Variants in ALCAM observed in about 807,000 individuals in gnomAD.
ALCAM encodes activated leukocyte cell adhesion molecule.
ALCAM carries 30 observed loss-of-function variants against 70.9 expected under a neutral mutation model. That is an observed-to-expected ratio of 0.42 (90% CI 0.32 to 0.57). The LOEUF is 0.57. Among genes scored for constraint, ALCAM ranks in the 20% least tolerant of loss-of-function variants. The pLI is 0.11. For synonymous variants in ALCAM, 249 were observed against 242.5 expected (o/e 1.03, Z -0.25); for missense variants, 591 against 695.1 (o/e 0.85, Z 1.68).
intron 1 of ALCAM, among the ~76,000 whole-genome samples, chr3:105,424,573 A>G (rs1386144699): frequency 1.3e-5 from 2 of 151,810 alleles, no homozygotes; most frequent in East Asian, 3.9e-4. Context: ...CAGTTTAAAG[A>G]CAATCTGAAA....
intron 1 of ALCAM, among the ~76,000 whole-genome samples, chr3:105,501,380 A>C (rs903502190): frequency 6.6e-6 from 1 of 152,176 alleles, no homozygotes; most frequent in Middle Eastern, 3.2e-3. Context: ...TATCAAGGAG[A>C]TGTTTATTTA....
chr3:105,374,068 T>C (rs1359861735), intron 1 of ALCAM, among the ~76,000 whole-genome samples: 1 of 152,156 alleles, frequency 6.6e-6, no homozygotes, highest in Non-Finnish European at 1.5e-5. Context: ...TGAAAAAGAC[T>C]TTGGTCATTG....
chr3:105,395,809 A>G (rs1027843508), intron 1 of ALCAM, among the ~76,000 whole-genome samples: 9 of 152,010 alleles, frequency 5.9e-5, no homozygotes, highest in African/African-American at 1.7e-4. Flanking sequence ...TCAATTCCTC[A>G]GCTCTTCTTT....
At chr3:105,561,761 A>G (rs1940635158) in intron 14 of ALCAM, among the ~76,000 whole-genome samples, 1 of 152,174 alleles carries the variant, frequency 6.6e-6, no homozygotes, top group Non-Finnish European at 1.5e-5. Context: ...ATTCCTGATT[A>G]TATTTATTAC....
chr3:105,511,550 C>A (rs1377249789), intron 1 of ALCAM, among the ~76,000 whole-genome samples: 1 of 151,862 alleles, frequency 6.6e-6, no homozygotes, highest in Non-Finnish European at 1.5e-5. Context: ...ATATTGCAAC[C>A]CCTCCAGGGA....
chr3:105,519,042 C>T (rs1460073879), intron 1 of ALCAM, among the ~76,000 whole-genome samples: 1 of 152,010 alleles, frequency 6.6e-6, no homozygotes, highest in Non-Finnish European at 1.5e-5. Context: ...GACAAAATAT[C>T]ATTTGTTTTT....
intron 1 of ALCAM, among the ~76,000 whole-genome samples, chr3:105,427,404 C>T (rs1936817202): frequency 6.6e-6 from 1 of 151,830 alleles, no homozygotes; most frequent in African/African-American, 2.4e-5. Flanking sequence ...GAAGAGTTGG[C>T]AGTGAAAGGC....
At chr3:105,421,300 G>T (rs531663232) in intron 1 of ALCAM, among the ~76,000 whole-genome samples, 3 of 151,488 alleles carry the variant, frequency 2.0e-5, no homozygotes, top group African/African-American at 7.2e-5. Context: ...GAGATAAATT[G>T]CAGCCTTGAT....
At chr3:105,506,428 G>T (rs560731906) in intron 1 of ALCAM, among the ~76,000 whole-genome samples, 2 of 152,278 alleles carry the variant, frequency 1.3e-5, no homozygotes, top group South Asian at 4.1e-4. Context: ...TGGTTTGTTT[G>T]TTTGGTTTCC....
chr3:105,376,421 A>G (rs1011528000), intron 1 of ALCAM, among the ~76,000 whole-genome samples: 3 of 152,034 alleles, frequency 2.0e-5, no homozygotes, highest in African/African-American at 7.3e-5. Flanking sequence ...CTACTTGACT[A>G]AGGTCACATT....
At chr3:105,504,696 C>A (rs1219240792) in intron 1 of ALCAM, among the ~76,000 whole-genome samples, 2 of 152,198 alleles carry the variant, frequency 1.3e-5, no homozygotes, top group African/African-American at 4.8e-5. Flanking sequence ...TGTGTCTCTG[C>A]CTGCTAGGGT....
At chr3:105,491,531 C>T (rs958287127) in intron 1 of ALCAM, among the ~76,000 whole-genome samples, 7 of 152,174 alleles carry the variant, frequency 4.6e-5, no homozygotes, top group Non-Finnish European at 7.4e-5. Context: ...CAAATCATAT[C>T]TTTGTGAATA....
chr3:105,426,954 A>G (rs1936805274), intron 1 of ALCAM, among the ~76,000 whole-genome samples: 1 of 151,908 alleles, frequency 6.6e-6, no homozygotes. Context: ...TTTATATACA[A>G]TGATCCTTCT....
chr3:105,497,317 T>G (rs1485991578), intron 1 of ALCAM, among the ~76,000 whole-genome samples: 2 of 152,196 alleles, frequency 1.3e-5, no homozygotes, highest in African/African-American at 4.8e-5. Context: ...TAAGGAACTT[T>G]AAGTTCTTTT....
intron 1 of ALCAM, among the ~76,000 whole-genome samples, chr3:105,433,482 T>C (rs920918483): frequency 6.6e-6 from 1 of 152,168 alleles, no homozygotes; most frequent in African/African-American, 2.4e-5. Context: ...TTAAGAAATA[T>C]ATGCACACTC....
At chr3:105,566,416 T>C (rs1407312079) in intron 14 of ALCAM, among the ~76,000 whole-genome samples, 1 of 152,246 alleles carries the variant, frequency 6.6e-6, no homozygotes, top group Non-Finnish European at 1.5e-5. Flanking sequence ...CTTCCTTATA[T>C]ATGAAACCTT....
chr3:105,557,095 A>G (rs1940536259), intron 14 of ALCAM, among the ~76,000 whole-genome samples: 1 of 152,086 alleles, frequency 6.6e-6, no homozygotes, highest in Admixed American at 6.6e-5. Context: ...TGGAATTAAA[A>G]TTTTAGCTCT....
At chr3:105,396,207 T>C (rs1412657285) in intron 1 of ALCAM, among the ~76,000 whole-genome samples, 1 of 152,060 alleles carries the variant, frequency 6.6e-6, no homozygotes, top group Non-Finnish European at 1.5e-5. Flanking sequence ...ACTGTATCTA[T>C]ATTCAACAAT....
intron 1 of ALCAM, among the ~76,000 whole-genome samples, chr3:105,481,609 C>CTACA (rs1938273597): frequency 6.6e-6 from 1 of 152,062 alleles, no homozygotes; most frequent in Non-Finnish European, 1.5e-5. Flanking sequence ...AAGACTAATT[C>CTACA]TACAACAAGT....
Sources: allele counts gnomAD v4.1 joint callset (sites outside exome capture counted in the v4.1 genomes callset), GRCh38; gene constraint gnomAD v4.1.1; transcripts MANE v1.5; gene names NCBI Gene and HGNC (gene_info 2026-07-23, HGNC 2026-07-21).